SLC9C2: variants seen among roughly 807,000 people sequenced by gnomAD.
SLC9C2 encodes the protein sodium/hydrogen exchanger 11.
In SLC9C2, 75 loss-of-function variants were observed where a neutral mutation model predicts 140.2. The observed-to-expected ratio is 0.53, with a 90% CI of 0.44 to 0.65. The LOEUF is 0.65. Ranked by LOEUF, SLC9C2 falls within the 30% of genes least tolerant of loss-of-function variation. SLC9C2 has a pLI of 0.00. For missense variants in SLC9C2, 1,074 were observed against 1,331.8 expected (o/e 0.81, Z 3.01); for synonymous variants, 375 against 420.9 (o/e 0.89, Z 1.34).
Position 173,583,504 on chromosome 1 carries a change from A to T in SLC9C2, c.640+2T>A. On this transcript the variant is annotated splice_donor_variant, in intron 6 of 27. Coordinates refer to ENST00000367714, the MANE Select transcript of SLC9C2 (RefSeq NM_178527.4). LOFTEE classifies it high-confidence loss of function. ...AAATATACAGACAAAAAATGCTCCTACCTCTAAAAATAGAAAAGTGGATTC... is the reference window on the plus strand; with the variant it reads ...AAATATACAGACAAAAAATGCTCCTTCCTCTAAAAATAGAAAAGTGGATTC... 1 of 1,528,070 alleles carries T rather than the reference A, an allele frequency of 6.5e-7. No individual in the cohort carries two copies. The highest frequency in any genetic ancestry group is 9.0e-7 in the Non-Finnish European group (1 of 1,112,270). The allele number at this position is 1,528,070 out of a possible 1,614,324, so 94.7% of individuals were successfully genotyped here.
At position 173,601,800 on chromosome 1, in the gene SLC9C2, C is replaced by T. The variant is rs762748584; in HGVS notation, c.-24G>A. On this transcript the variant is annotated 5_prime_UTR_variant, in exon 2 of 28. Coordinates refer to ENST00000367714, the MANE Select transcript of SLC9C2 (RefSeq NM_178527.4). Reference sequence around the variant, plus strand: ...ATTTTTGCTGCTGCTTTTCCCCAGACCTAACTTGATGGAGTGGTTTGGTTA... The same window carrying T: ...ATTTTTGCTGCTGCTTTTCCCCAGATCTAACTTGATGGAGTGGTTTGGTTA... 9.9e-5 allele frequency: 160 copies of T among 1,612,866 alleles called. No homozygotes were observed. The highest frequency in any genetic ancestry group is 1.3e-4 in the Non-Finnish European group (155 of 1,179,460).
In SLC9C2 at chr1:173,548,377, G is replaced by A. The variant is rs1261116534; in HGVS notation, c.1461+12C>T. ...GGAAAGGAAAACTACTTTTTGCCAG[G>A]TATCAACTCACAGGAATGTATTCGA... On this transcript the variant is annotated intron_variant, in intron 12 of 27. Coordinates refer to ENST00000367714, the MANE Select transcript of SLC9C2 (RefSeq NM_178527.4). 2 of 1,605,676 alleles carry A rather than the reference G, an allele frequency of 1.2e-6. No individual in the cohort carries two copies. Among genetic ancestry groups the A allele is most frequent in the Middle Eastern group, 1.8e-4 (1 of 5,656 alleles).
At chr1:173,541,891 C>T (rs1558047912) in intron 13 of SLC9C2, among the ~76,000 whole-genome samples, 1 of 152,108 alleles carries the variant, frequency 6.6e-6, no homozygotes, top group East Asian at 1.9e-4. Context: ...GCACTAAATG[C>T]CCACAAGAGA....
intron 4 of SLC9C2, among the ~76,000 whole-genome samples, chr1:173,593,780 AG>A (rs1298549754): frequency 6.6e-6 from 1 of 152,220 alleles, no homozygotes; most frequent in African/African-American, 2.4e-5. Flanking sequence ...AAGACAAAGA[AG>A]GGCATTACAT....
At chr1:173,546,410 G>A (rs6425245) in intron 13 of SLC9C2, among the ~76,000 whole-genome samples, 52,788 of 151,378 alleles carry the variant, frequency 0.35, 11,381 homozygotes, top group East Asian at 0.64. Flanking sequence ...CCAAAACCTC[G>A]TCTGTACTAA....
intron 13 of SLC9C2, among the ~76,000 whole-genome samples, chr1:173,537,838 A>C (rs892924733): frequency 6.6e-6 from 1 of 152,090 alleles, no homozygotes; most frequent in Non-Finnish European, 1.5e-5. Context: ...ATAGCAGAAA[A>C]ATTATAGCTT....
rs779834082 is a variant in SLC9C2 at position 173,587,771 on chromosome 1, A to G, written c.417T>C (p.Val139=). ...STASIIIGYV[V]IKFNKDSWDL... ...CCCATGAATCTTTATTGAATTTTAT[A>G]ACGACATATCCAATTATGATGCTTG... The change falls in exon 5 of 28, where the codon GTT becomes GTC. Residue 139 remains valine (V), a synonymous_variant. Transcript: ENST00000367714. The G allele has an allele frequency of 4.5e-5, 73 of 1,613,276 alleles. No individual in the cohort carries two copies. Among genetic ancestry groups the G allele is most frequent in the Non-Finnish European group, 8.5e-7 (1 of 1,179,598 alleles).
intron 24 of SLC9C2, among the ~76,000 whole-genome samples, chr1:173,507,258 G>T (rs1386535356): frequency 6.6e-6 from 1 of 152,134 alleles, no homozygotes. Flanking sequence ...GGATACTGTT[G>T]CCCAGCCCTA....
At chr1:173,510,030 G>A (rs1418234207) in intron 23 of SLC9C2, among the ~76,000 whole-genome samples, 1 of 152,060 alleles carries the variant, frequency 6.6e-6, no homozygotes, top group African/African-American at 2.4e-5. Flanking sequence ...TATTTTTATT[G>A]TCATGGTAGA....
At chr1:173,585,688 C>T (rs944297388) in intron 5 of SLC9C2, among the ~76,000 whole-genome samples, 1 of 152,082 alleles carries the variant, frequency 6.6e-6, no homozygotes, top group Non-Finnish European at 1.5e-5. Flanking sequence ...GACTTTCAGC[C>T]GGGTGCAGTG....
intron 5 of SLC9C2, among the ~76,000 whole-genome samples, chr1:173,584,974 T>G (rs1665764906): frequency 6.6e-6 from 1 of 152,190 alleles, no homozygotes; most frequent in East Asian, 1.9e-4. Flanking sequence ...ATTGTAAAAT[T>G]TGGAAAAGAA....
At chr1:173,548,276 C>T in intron 12 of SLC9C2, 113 bp downstream of exon 12, 1 of 1,065,390 alleles carries the variant, frequency 9.4e-7, no homozygotes, top group Non-Finnish European at 1.4e-6. Flanking sequence ...ACTATCTCCC[C>T]TCAGTTTTGT....
intron 4 of SLC9C2, among the ~76,000 whole-genome samples, chr1:173,588,751 T>G (rs895208058): frequency 6.6e-6 from 1 of 152,146 alleles, no homozygotes. Context: ...ATAGTTTTGG[T>G]GTTAAGATTA....
chr1:173,523,945 C>A, intron 21 of SLC9C2, 24 bp downstream of exon 21: 1 of 1,595,780 alleles, frequency 6.3e-7, no homozygotes, highest in Middle Eastern at 1.7e-4. Context: ...AAACCTGAGC[C>A]AGAATAGAAA....
chr1:173,559,996 C>G (rs1663989610), intron 9 of SLC9C2, among the ~76,000 whole-genome samples: 1 of 152,164 alleles, frequency 6.6e-6, no homozygotes, highest in African/African-American at 2.4e-5. Context: ...TCCGAATCTA[C>G]CAAGCTTGTC....
At chr1:173,548,898 C>T (rs1052011905) in intron 11 of SLC9C2, among the ~76,000 whole-genome samples, 2 of 152,124 alleles carry the variant, frequency 1.3e-5, no homozygotes, top group African/African-American at 4.8e-5. Flanking sequence ...TATGCAAATT[C>T]CTGGGTTCCA....
At chr1:173,514,933 A>T (rs1660313390) in intron 23 of SLC9C2, among the ~76,000 whole-genome samples, 1 of 152,126 alleles carries the variant, frequency 6.6e-6, no homozygotes, top group African/African-American at 2.4e-5. Context: ...CTGGATATGA[A>T]GGTCTGGACT....
At chr1:173,583,750 G>C (rs1571615257) in intron 5 of SLC9C2, 128 bp from the exon 6 acceptor site, 1 of 559,548 alleles carries the variant, frequency 1.8e-6, no homozygotes, top group East Asian at 2.9e-5. Flanking sequence ...CTATGACTGG[G>C]ATGGGTCTGT....
At position 173,600,147 on chromosome 1, in the gene SLC9C2, C is replaced by T. The variant is rs372632291; in HGVS notation, c.198G>A (p.Val66=). ...VLTILSLSGF[V]IGHMAYNSVE... is the part of the protein sequence containing the mutation. ...CAGAATTGTAGGCCATGTGTCCTATCACGAATCCTGATAGAGAAAGAATCG... is the reference window on the plus strand; with the variant it reads ...CAGAATTGTAGGCCATGTGTCCTATTACGAATCCTGATAGAGAAAGAATCG... The change falls in exon 3 of 28, where the codon GTG becomes GTA. Residue 66 remains valine, a synonymous_variant. Coordinates refer to ENST00000367714, the MANE Select transcript of SLC9C2 (RefSeq NM_178527.4). The T allele has an allele frequency of 1.2e-6, 2 of 1,611,160 alleles. No homozygotes were observed. Among genetic ancestry groups the T allele is most frequent in the African/African-American group, 2.7e-5 (2 of 74,810 alleles).
Sources: gnomAD v4.1 joint callset for allele counts (sites outside exome capture counted in the v4.1 genomes callset) on GRCh38, gnomAD v4.1.1 for gene constraint, MANE v1.5 for transcripts, NCBI Gene and HGNC (gene_info 2026-07-23, HGNC 2026-07-21) for gene names.